Variants in POLA1 observed in about 807,000 individuals in gnomAD.
POLA1 encodes DNA polymerase alpha 1, catalytic subunit.
A neutral mutation model predicts 124.0 loss-of-function variants in POLA1; 15 were observed. The observed-to-expected ratio is 0.12, with a 90% CI of 0.08 to 0.19. POLA1 has a LOEUF of 0.19. Ranked by LOEUF, POLA1 falls within the 10% of genes least tolerant of loss-of-function variation. The probability of loss-of-function intolerance (pLI) is 1.00; values close to 1 mark genes in which losing one functional copy is unlikely to be tolerated. For synonymous variants in POLA1, 408 were observed against 389.4 expected (o/e 1.05, Z -0.56); for missense variants, 886 against 1,103.4 (o/e 0.80, Z 2.79).
In POLA1 at chrX:24,726,979, C is replaced by T. The variant is rs1469203351; in HGVS notation, c.1439C>T (p.Ser480Phe). 8.4e-7 allele frequency: 1 copy of T among 1,189,973 alleles called. No homozygotes were observed. The highest frequency in any genetic ancestry group is 2.2e-5 in the Admixed American group (1 of 44,611). ...LPQDLKGETF[S>F]HVFGTNTSSL... Reference sequence around the variant, plus strand: ...CAAGATTTGAAAGGAGAAACTTTTTCTCATGTATTTGGGACCAACACATCT... The same window carrying T: ...CAAGATTTGAAAGGAGAAACTTTTTTTCATGTATTTGGGACCAACACATCT... The change falls in exon 14 of 37, where the codon TCT becomes TTT. Residue 480 changes from serine (S) to phenylalanine (F), a missense_variant. Coordinates refer to ENST00000379068, the MANE Select transcript of POLA1 (RefSeq NM_001330360.2).
At chrX:24,929,149 A>G (rs1488715425) in intron 35 of POLA1, among the ~76,000 whole-genome samples, 1 of 112,453 alleles carries the variant, frequency 8.9e-6, no homozygotes, top group Non-Finnish European at 1.9e-5. Context: ...TGGGTTGGCT[A>G]TAATTTTTCA....
chrX:24,793,930 C>T (rs766101578), intron 26 of POLA1, among the ~76,000 whole-genome samples: 1 of 110,494 alleles, frequency 9.1e-6, no homozygotes, highest in East Asian at 2.9e-4. Flanking sequence ...GCCATCCCCT[C>T]GGAAGAGACC....
chrX:24,815,251 A>T, intron 30 of POLA1, 140 bp downstream of exon 30: 2 of 542,266 alleles, frequency 3.7e-6, no homozygotes, highest in African/African-American at 2.3e-5. Context: ...TATCTCACAG[A>T]TTGAGTATTA....
At chrX:24,874,731 C>T (rs958735479) in intron 34 of POLA1, among the ~76,000 whole-genome samples, 18 of 111,521 alleles carry the variant, frequency 1.6e-4, no homozygotes, top group East Asian at 2.8e-4. Context: ...AAACCAGCAG[C>T]GGCAGTATCA....
At chrX:24,807,153 A>C (rs1233328454) in intron 26 of POLA1, among the ~76,000 whole-genome samples, 1 of 112,239 alleles carries the variant, frequency 8.9e-6, no homozygotes, top group East Asian at 2.8e-4. Context: ...TTGCCAGTTC[A>C]CATTGAAGGT....
At chrX:24,838,627 G>C (rs1339963251) in intron 32 of POLA1, among the ~76,000 whole-genome samples, 2 of 112,699 alleles carry the variant, frequency 1.8e-5, no homozygotes, top group Non-Finnish European at 3.7e-5. Flanking sequence ...TGCATTTCTT[G>C]CTCAAAGACT....
At chrX:24,911,801 C>T (rs1186334342) in intron 35 of POLA1, among the ~76,000 whole-genome samples, 1 of 111,872 alleles carries the variant, frequency 8.9e-6, no homozygotes, top group Non-Finnish European at 1.9e-5. Context: ...AGGGAATACT[C>T]CACATATTTG....
intron 10 of POLA1, among the ~76,000 whole-genome samples, chrX:24,719,916 T>C (rs1930098479): frequency 9.1e-6 from 1 of 110,413 alleles, no homozygotes; most frequent in Non-Finnish European, 1.9e-5. Context: ...AGCCTCCTAA[T>C]TGATCTCTTA....
At chrX:24,781,565 GA>G (rs1387797303) in intron 26 of POLA1, among the ~76,000 whole-genome samples, 1 of 111,697 alleles carries the variant, frequency 9.0e-6, no homozygotes. Flanking sequence ...AGGAAAAGGT[GA>G]AAAAGAGAAA....
chrX:24,857,807 A>G (rs1255761421), intron 34 of POLA1, among the ~76,000 whole-genome samples: 1 of 111,819 alleles, frequency 8.9e-6, no homozygotes, highest in African/African-American at 3.2e-5. Context: ...CAGCTTTTGT[A>G]TTGTAATTTT....
intron 4 of POLA1, among the ~76,000 whole-genome samples, chrX:24,707,903 CTT>C (rs1465188261): frequency 9.0e-6 from 1 of 111,655 alleles, no homozygotes; most frequent in Non-Finnish European, 1.9e-5. Flanking sequence ...CTGAGAATCT[CTT>C]GATCTCTTAA....
intron 34 of POLA1, among the ~76,000 whole-genome samples, chrX:24,885,621 G>A (rs1023383919): frequency 3.6e-5 from 4 of 110,398 alleles, no homozygotes; most frequent in Admixed American, 1.9e-4. Flanking sequence ...TGCAACCTCC[G>A]TCTCCCGGGT....
intron 34 of POLA1, among the ~76,000 whole-genome samples, chrX:24,853,704 G>A (rs1282215595): frequency 9.0e-6 from 1 of 111,401 alleles, no homozygotes; most frequent in Admixed American, 9.5e-5. Flanking sequence ...TGAGGTTACA[G>A]GATCAGTTGG....
intron 35 of POLA1, among the ~76,000 whole-genome samples, chrX:24,926,570 C>G (rs2047694612): frequency 8.9e-6 from 1 of 112,015 alleles, no homozygotes; most frequent in Admixed American, 9.4e-5. Flanking sequence ...CTTGCTTAAA[C>G]AAGCAAGCAT....
At chrX:24,741,117 G>T (rs1237155438) in intron 20 of POLA1, among the ~76,000 whole-genome samples, 1 of 44,696 alleles carries the variant, frequency 2.2e-5, no homozygotes, top group East Asian at 6.3e-4. Context: ...ATGGGATTTT[G>T]TGTGTGTGTG....
intron 36 of POLA1, among the ~76,000 whole-genome samples, chrX:24,985,920 C>T (rs1263142955): frequency 9.0e-6 from 1 of 111,461 alleles, no homozygotes; most frequent in Admixed American, 9.5e-5. Flanking sequence ...GCCTGTAATC[C>T]CAGCACTTTG....
chrX:24,783,946 A>C (rs994675489), intron 26 of POLA1, among the ~76,000 whole-genome samples: 2 of 111,834 alleles, frequency 1.8e-5, no homozygotes, highest in African/African-American at 6.5e-5. Flanking sequence ...CCATCATTGC[A>C]GGAAGTACTA....
chrX:24,971,332 G>A (rs1349739658), intron 36 of POLA1, among the ~76,000 whole-genome samples: 1 of 112,482 alleles, frequency 8.9e-6, no homozygotes, highest in East Asian at 2.8e-4. Flanking sequence ...AGACTGTCAT[G>A]TACGTGGACC....
intron 35 of POLA1, among the ~76,000 whole-genome samples, chrX:24,901,487 G>C (rs937181800): frequency 9.0e-6 from 1 of 111,601 alleles, no homozygotes; most frequent in African/African-American, 3.3e-5. Context: ...TGGGCAGAGG[G>C]TGGAGACACT....
Sources: allele counts gnomAD v4.1 joint callset (sites outside exome capture counted in the v4.1 genomes callset), GRCh38; gene constraint gnomAD v4.1.1; transcripts MANE v1.5; gene names NCBI Gene and HGNC (gene_info 2026-07-23, HGNC 2026-07-21).